The following RGS18 variants were observed in gnomAD, a reference collection of about 807,000 sequenced individuals.
The protein encoded by RGS18 is regulator of G protein signaling 18, also known as regulator of G-protein signaling 18.
In RGS18, 22 loss-of-function variants were observed where a neutral mutation model predicts 27.6. The observed-to-expected ratio is 0.80, with a 90% CI of 0.57 to 1.14. RGS18 has a LOEUF of 1.14. Ranked by LOEUF, RGS18 falls within the 50% of genes most tolerant of loss-of-function variation. The pLI is 0.00. For synonymous variants in RGS18, 89 were observed against 84.6 expected (o/e 1.05, Z -0.29); for missense variants, 299 against 269.6 (o/e 1.11, Z -0.76).
chr1:192,176,278 T>A (rs1266560400), intron 3 of RGS18, among the ~76,000 whole-genome samples: 1 of 151,836 alleles, frequency 6.6e-6, no homozygotes, highest in Admixed American at 6.6e-5. Flanking sequence ...TGTTTCCTTT[T>A]TTCAGTAGCC....
At chr1:192,164,264 T>C (rs909413249) in intron 3 of RGS18, among the ~76,000 whole-genome samples, 7 of 152,064 alleles carry the variant, frequency 4.6e-5, no homozygotes, top group Non-Finnish European at 1.0e-4. Flanking sequence ...AAAGAATCAG[T>C]ATAGGAATGG....
At chr1:192,163,926 A>T (rs1342115379) in intron 3 of RGS18, among the ~76,000 whole-genome samples, 1 of 151,502 alleles carries the variant, frequency 6.6e-6, no homozygotes, top group Non-Finnish European at 1.5e-5. Flanking sequence ...ACACTTCAAG[A>T]AAGACATTGC....
rs771378573 is a variant in RGS18 at position 192,158,738 on chromosome 1, G to T, written c.101G>T (p.Ser34Ile). 9.6e-6 allele frequency: 15 copies of T among 1,568,346 alleles called. No individual in the cohort carries two copies. The African/African-American group carries it at 1.7e-4, about 17-fold the overall frequency. Residue 34 changes from serine to isoleucine, a missense_variant, in exon 1 of 5, where the codon AGC (serine) becomes ATC (isoleucine). Physicochemically the swap from Ser to Ile is moderately radical, Grantham distance 142 (BLOSUM62 -2). Coordinates refer to ENST00000367460, the MANE Select transcript of RGS18 (RefSeq NM_130782.3). Reference sequence around the variant, plus strand: ...CATGGTTCAGGAAAAGAAGAAACAAGCAAAGAAGCCAAAATCAGGTAAAAT... The same window carrying T: ...CATGGTTCAGGAAAAGAAGAAACAATCAAAGAAGCCAAAATCAGGTAAAAT... ...LIHGSGKEET[S>I]KEAKIRAKEK...
rs1656504855 is a variant in RGS18 at position 192,184,266 on chromosome 1, C to A, written c.451-31C>A. The A allele has an allele frequency of 1.9e-6, 3 of 1,591,274 alleles. No homozygotes were observed. In the East Asian group the frequency reaches 6.8e-5, roughly 36 times the overall value. ...AAAGTTGTTTATATAAGCATATTAA[C>A]TATAATCACACTTTTTTTCTGTTTA... On this transcript the variant is annotated intron_variant, in intron 4 of 4. Coordinates refer to ENST00000367460, the MANE Select transcript of RGS18 (RefSeq NM_130782.3).
intron 3 of RGS18, among the ~76,000 whole-genome samples, chr1:192,177,762 G>A (rs1656381881): frequency 1.3e-5 from 2 of 151,714 alleles, no homozygotes; most frequent in Admixed American, 6.6e-5. Flanking sequence ...TTCTCAACAG[G>A]AGCTAAAACT....
intron 3 of RGS18, among the ~76,000 whole-genome samples, chr1:192,161,147 G>C (rs1413931920): frequency 6.6e-6 from 1 of 152,250 alleles, no homozygotes; most frequent in African/African-American, 2.4e-5. Context: ...ACTGCGCCCC[G>C]CTCCATAAAC....
intron 3 of RGS18, among the ~76,000 whole-genome samples, chr1:192,172,882 T>TATAA (rs1407068832): frequency 1.9e-5 from 2 of 104,858 alleles, no homozygotes; most frequent in African/African-American, 2.8e-5. Context: ...TATATATATA[T>TATAA]AAATATATAT....
chr1:192,160,537 CTGAT>C (rs143042454), intron 3 of RGS18, 98 bp downstream of exon 3: 14,804 of 790,706 alleles, frequency 0.019, 237 homozygotes, highest in South Asian at 0.019. Context: ...AAATTTTTGT[CTGAT>C]TGTTAATTTT....
chr1:192,174,535 T>C (rs1656323712), intron 3 of RGS18, among the ~76,000 whole-genome samples: 1 of 151,898 alleles, frequency 6.6e-6, no homozygotes, highest in South Asian at 2.1e-4. Flanking sequence ...TATACCTAAA[T>C]TGTGAATTTT....
At chr1:192,172,884 A>ATATATATATAAAT (rs758940898) in intron 3 of RGS18, among the ~76,000 whole-genome samples, 3 of 97,510 alleles carry the variant, frequency 3.1e-5, no homozygotes, top group Admixed American at 1.2e-4. Context: ...TATATATATA[A>ATATATATATAAAT]ATATATATAT....
At chr1:192,158,845 G>C in intron 1 of RGS18, 89 bp downstream of exon 1, 1 of 923,176 alleles carries the variant, frequency 1.1e-6, no homozygotes, top group South Asian at 1.6e-5. Context: ...TGAACTATTG[G>C]GTGGAAAATA....
chr1:192,184,556 G>A lies in RGS18; in HGVS notation c.*2G>A. On this transcript the variant is annotated 3_prime_UTR_variant, in exon 5 of 5. Transcript: ENST00000367460. ...TCAGATGTTGCCATTTGGTTATAAA[G>A]AAAATTGATTTTGCTCATTTTTATG... is the stretch of plus-strand genomic sequence containing the variant. The A allele has an allele frequency of 6.2e-7, 1 of 1,608,658 alleles. No homozygotes were observed. Among genetic ancestry groups the A allele is most frequent in the Non-Finnish European group, 8.5e-7 (1 of 1,176,552 alleles).
Position 192,159,301 on chromosome 1 carries a change from G to A in RGS18, c.201G>A (p.Gly67=). 1 of 1,611,946 alleles carries A rather than the reference G, an allele frequency of 6.2e-7. No individual in the cohort carries two copies. Residue 67 remains glycine, a synonymous_variant, in exon 2 of 5, where the codon GGG becomes GGA. Coordinates refer to ENST00000367460, the MANE Select transcript of RGS18 (RefSeq NM_130782.3). Reference sequence around the variant, plus strand: ...AAGACACCCGCTCCAGTAGATCTGGGCACTTGGCCAAAGAAACAAGGTGAA... The same window carrying A: ...AAGACACCCGCTCCAGTAGATCTGGACACTTGGCCAAAGAAACAAGGTGAA... The part of the protein sequence containing the change: ...FHEDTRSSRS[G]HLAKETRVSP...
intron 3 of RGS18, among the ~76,000 whole-genome samples, chr1:192,180,005 A>G (rs886193893): frequency 6.6e-6 from 1 of 151,624 alleles, no homozygotes; most frequent in African/African-American, 2.4e-5. Context: ...AGTTCATGTA[A>G]ATCTATAATT....
At chr1:192,182,254 G>A (rs1291798743) in intron 4 of RGS18, among the ~76,000 whole-genome samples, 1 of 151,420 alleles carries the variant, frequency 6.6e-6, no homozygotes, top group Non-Finnish European at 1.5e-5. Flanking sequence ...TTTAATTTTT[G>A]AGGAACCCTT....
intron 3 of RGS18, among the ~76,000 whole-genome samples, chr1:192,176,431 C>T: frequency 6.6e-6 from 1 of 151,800 alleles, no homozygotes; most frequent in Non-Finnish European, 1.5e-5. Flanking sequence ...CCAGAGCAAA[C>T]CTAGCACTCA....
At chr1:192,176,028 A>G (rs953784509) in intron 3 of RGS18, among the ~76,000 whole-genome samples, 8 of 151,856 alleles carry the variant, frequency 5.3e-5, no homozygotes, top group African/African-American at 1.9e-4. Context: ...GGGATCCCAG[A>G]AAGCAGCCTG....
Position 192,184,803 on chromosome 1 carries a change from C to A in RGS18, c.*249C>A. 7.7e-6 allele frequency: 3 copies of A among 388,276 alleles called. No individual in the cohort carries two copies. Among genetic ancestry groups the A allele is most frequent in the Non-Finnish European group, 1.4e-5 (3 of 216,012 alleles). 24.1% of individuals were successfully genotyped at this position (388,276 alleles called of 1,614,324 possible). On this transcript the variant is annotated 3_prime_UTR_variant, in exon 5 of 5. Transcript: ENST00000367460. ...AAAAACTTATTTCTTAATCAAAAGGCAGTACAAAAAAAGTAATAATGTTTT... is the reference window on the plus strand; with the variant it reads ...AAAAACTTATTTCTTAATCAAAAGGAAGTACAAAAAAAGTAATAATGTTTT...
intron 4 of RGS18, among the ~76,000 whole-genome samples, chr1:192,181,987 T>C (rs528966841): frequency 6.6e-6 from 1 of 151,762 alleles, no homozygotes; most frequent in African/African-American, 2.4e-5. Context: ...CTTAACATAA[T>C]GTCCTCCAGG....
Sources: allele counts gnomAD v4.1 joint callset (sites outside exome capture counted in the v4.1 genomes callset), GRCh38; gene constraint gnomAD v4.1.1; transcripts MANE v1.5; gene names NCBI Gene and HGNC (gene_info 2026-07-23, HGNC 2026-07-21).